The following NRXN1 variants were observed in gnomAD, a reference collection of about 807,000 sequenced individuals.
The protein encoded by NRXN1 is neurexin 1, also known as neurexin-1.
NRXN1 carries 39 observed loss-of-function variants against 150.9 expected under a neutral mutation model. The ratio of observed to expected loss-of-function variants is 0.26; its 90% CI spans 0.20 to 0.34. The LOEUF (loss-of-function observed/expected upper bound fraction) is 0.34, where lower values mean the gene tolerates loss of function less well. NRXN1 is among the 10% of genes least tolerant of loss of function. The pLI, the probability that NRXN1 is intolerant of heterozygous loss-of-function variation, is 1.00. For synonymous variants in NRXN1, 924 were observed against 757.0 expected (o/e 1.22, Z -3.62); for missense variants, 1,815 against 1,949.9 (o/e 0.93, Z 1.30).
chr2:50,040,039 T>G (rs1195820315), intron 21 of NRXN1, among the ~76,000 whole-genome samples: 3 of 152,262 alleles, frequency 2.0e-5, no homozygotes, highest in Non-Finnish European at 4.4e-5. Context: ...AATGGTAATC[T>G]AAATGGTCTT....
At chr2:50,304,897 C>G (rs2074475103) in intron 17 of NRXN1, among the ~76,000 whole-genome samples, 1 of 152,232 alleles carries the variant, frequency 6.6e-6, no homozygotes, top group Admixed American at 6.5e-5. Context: ...CGAGACCAGC[C>G]TGGCCAACAT....
In NRXN1 at chr2:50,035,029, C is replaced by A. The variant is rs150027677; in HGVS notation, c.4128+18242G>T. Among the ~76,000 whole-genome samples the A allele has an allele frequency of 1.2e-3, 177 of 152,180 alleles. 1 individual carries two copies. The highest frequency in any genetic ancestry group is 7.8e-4 in the Non-Finnish European group (53 of 67,960). ...TCATATACCTTTCTTATATTTCATT[C>A]TTCCGTGTCATCACACAACAATGAA... On this transcript the variant is annotated intron_variant, in intron 21 of 22. Coordinates refer to ENST00000401669, the MANE Select transcript of NRXN1 (RefSeq NM_001330078.2).
intron 5 of NRXN1, among the ~76,000 whole-genome samples, chr2:50,662,477 G>A (rs858927): frequency 0.17 from 25,267 of 151,988 alleles, 2,186 homozygotes; most frequent in African/African-American, 0.2. Context: ...AGGGTTTAGG[G>A]TAAGCTTCTC....
chr2:50,852,888 T>G (rs1213133257), intron 5 of NRXN1, among the ~76,000 whole-genome samples: 1 of 152,102 alleles, frequency 6.6e-6, no homozygotes, highest in Non-Finnish European at 1.5e-5. Context: ...TGAAATAGAG[T>G]CCTTTCCTCT....
At chr2:50,869,421 G>C (rs1372125565) in intron 5 of NRXN1, among the ~76,000 whole-genome samples, 2 of 151,096 alleles carry the variant, frequency 1.3e-5, no homozygotes, top group African/African-American at 2.4e-5. Flanking sequence ...AAATGACACA[G>C]TTAAGGTATC....
At chr2:50,213,097 T>C (rs1469986122) in intron 18 of NRXN1, among the ~76,000 whole-genome samples, 4 of 151,892 alleles carry the variant, frequency 2.6e-5, no homozygotes, top group African/African-American at 7.2e-5. Context: ...GTTGTTGTCT[T>C]TGACATTAGG....
At chr2:50,820,098 T>A (rs561280222) in intron 5 of NRXN1, among the ~76,000 whole-genome samples, 3 of 152,022 alleles carry the variant, frequency 2.0e-5, no homozygotes, top group Non-Finnish European at 4.4e-5. Context: ...GAACCCATGA[T>A]TGATATTCTT....
chr2:50,844,242 C>T lies in NRXN1; in HGVS notation c.832+77627G>A, dbSNP rs545167648. Among the ~76,000 whole-genome samples, 75 of 152,264 alleles carry T rather than the reference C, an allele frequency of 4.9e-4. 1 individual carries two copies. Among genetic ancestry groups the T allele is most frequent in the Admixed American group, 4.6e-3 (70 of 15,298 alleles). On this transcript the variant is annotated intron_variant, in intron 5 of 22. Transcript: ENST00000401669. ...GTTCCTCACTAATCAAGTACTATGGCGTTACAATCTTCCCGGACGTCACCT... is the reference window on the plus strand; with the variant it reads ...GTTCCTCACTAATCAAGTACTATGGTGTTACAATCTTCCCGGACGTCACCT...
intron 5 of NRXN1, among the ~76,000 whole-genome samples, chr2:50,773,976 T>C (rs576429519): frequency 6.6e-6 from 1 of 152,146 alleles, no homozygotes; most frequent in East Asian, 1.9e-4. Flanking sequence ...GGCTACCTAG[T>C]AAAGCAACCC....
chr2:50,103,397 T>C (rs143353456), intron 18 of NRXN1, among the ~76,000 whole-genome samples: 10 of 152,094 alleles, frequency 6.6e-5, no homozygotes, highest in African/African-American at 2.2e-4. Context: ...CCTCCTTAAA[T>C]TGGTAGAAGA....
intron 5 of NRXN1, among the ~76,000 whole-genome samples, chr2:50,848,350 C>A (rs1038611334): frequency 6.6e-6 from 1 of 152,100 alleles, no homozygotes; most frequent in Non-Finnish European, 1.5e-5. Context: ...GCCATTTGTC[C>A]TCCTAATGTC....
chr2:49,955,203 T>C (rs1400774546), intron 21 of NRXN1, among the ~76,000 whole-genome samples: 1 of 152,150 alleles, frequency 6.6e-6, no homozygotes, highest in Non-Finnish European at 1.5e-5. Context: ...ATTGTCACAA[T>C]TGCTCATTTA....
intron 8 of NRXN1, among the ~76,000 whole-genome samples, chr2:50,610,653 A>ATATATATATATG (rs1677912458): frequency 9.4e-6 from 1 of 106,378 alleles, no homozygotes; most frequent in Non-Finnish European, 1.8e-5. Flanking sequence ...ATATATATAT[A>ATATATATATATG]TATATATATA....
chr2:50,884,824 A>T (rs13019472), intron 5 of NRXN1, among the ~76,000 whole-genome samples: 50,921 of 122,282 alleles, frequency 0.42, 9,295 homozygotes, highest in Non-Finnish European at 0.53. Context: ...ACTGTTTTTT[A>T]AAAAAAAAAT....
At chr2:50,419,244 G>T (rs2083782454) in intron 17 of NRXN1, among the ~76,000 whole-genome samples, 1 of 152,006 alleles carries the variant, frequency 6.6e-6, no homozygotes, top group African/African-American at 2.4e-5. Flanking sequence ...AGAGATTAAG[G>T]CAATCGTATC....
chr2:50,777,366 G>T lies in NRXN1; in HGVS notation c.832+144503C>A, dbSNP rs192818673. On this transcript the variant is annotated intron_variant, in intron 5 of 22. Transcript: ENST00000401669. ...ATATGCCTAAAAGCAAACATTTTGT[G>T]GTTAGTTTACTATGAATGTACCAGG... Among the ~76,000 whole-genome samples the T allele has an allele frequency of 1.1e-4, 16 of 152,170 alleles. No homozygotes were observed. The East Asian group carries it at 3.1e-3, about 29-fold the overall frequency.
At chr2:50,454,275 A>T (rs1174533423) in intron 17 of NRXN1, among the ~76,000 whole-genome samples, 1 of 152,184 alleles carries the variant, frequency 6.6e-6, no homozygotes, top group African/African-American at 2.4e-5. Context: ...GTGGTGAGCC[A>T]AAATCATGCC....
rs142554005 is a variant in NRXN1 at position 50,252,610 on chromosome 2, C to T, written c.3365-15640G>A. ...TTAATTTTTGTATAAGGTGTAAGTA[C>T]GGGGTCCAGTTTCCATTTTCTGTAT... On this transcript the variant is annotated intron_variant, in intron 17 of 22. Coordinates refer to ENST00000401669, the MANE Select transcript of NRXN1 (RefSeq NM_001330078.2). Among the ~76,000 whole-genome samples, 141 of 152,128 alleles carry T rather than the reference C, an allele frequency of 9.3e-4. 1 individual carries two copies. The highest frequency in any genetic ancestry group is 3.2e-3 in the African/African-American group (131 of 41,522).
At chr2:50,099,832 G>A (rs900158450) in intron 18 of NRXN1, among the ~76,000 whole-genome samples, 1 of 152,122 alleles carries the variant, frequency 6.6e-6, no homozygotes, top group Non-Finnish European at 1.5e-5. Context: ...CTTGGATCAA[G>A]AGAGGATATT....
Sources: gnomAD v4.1 joint callset for allele counts (sites outside exome capture counted in the v4.1 genomes callset) on GRCh38, gnomAD v4.1.1 for gene constraint, MANE v1.5 for transcripts, NCBI Gene and HGNC (gene_info 2026-07-23, HGNC 2026-07-21) for gene names.